RBM25: variants seen among roughly 807,000 people sequenced by gnomAD.
RBM25 encodes RNA-binding protein 25.
A neutral mutation model predicts 120.7 loss-of-function variants in RBM25; 19 were observed. The ratio of observed to expected loss-of-function variants is 0.16; its 90% CI spans 0.11 to 0.23. The LOEUF is 0.23. Ranked by LOEUF, RBM25 falls within the 10% of genes least tolerant of loss-of-function variation. The probability of loss-of-function intolerance (pLI) is 1.00; values close to 1 mark genes in which losing one functional copy is unlikely to be tolerated. For synonymous variants in RBM25, 390 were observed against 326.7 expected (o/e 1.19, Z -2.09); for missense variants, 605 against 1,041.5 (o/e 0.58, Z 5.77).
intron 1 of RBM25, among the ~76,000 whole-genome samples, chr14:73,060,667 T>G (rs1894983514): frequency 6.6e-6 from 1 of 151,488 alleles, no homozygotes; most frequent in Admixed American, 6.6e-5. Flanking sequence ...AATTGAAAGT[T>G]GCTGAAACTA....
intron 6 of RBM25, among the ~76,000 whole-genome samples, chr14:73,094,839 GTGTC>G (rs753423334): frequency 2.8e-5 from 3 of 108,762 alleles, no homozygotes; most frequent in East Asian, 5.6e-4. Context: ...GTGTGTGTGT[GTGTC>G]TGTGTGTGTG....
intron 6 of RBM25, among the ~76,000 whole-genome samples, chr14:73,094,185 C>G (rs887843576): frequency 6.7e-6 from 1 of 149,490 alleles, no homozygotes; most frequent in Non-Finnish European, 1.5e-5. Flanking sequence ...GATCTCCTGA[C>G]CTTGTGATCT....
intron 13 of RBM25, 29 bp downstream of exon 13, chr14:73,107,928 A>C (rs1896223998): frequency 6.7e-7 from 1 of 1,493,186 alleles, no homozygotes. Flanking sequence ...GTGGATTCAT[A>C]CTTGGTTTTT....
rs768840003 is a variant in RBM25 at position 73,106,198 on chromosome 14, C to T, written c.1380C>T (p.Arg460=). 3.2e-6 allele frequency: 5 copies of T among 1,581,132 alleles called. No homozygotes were observed. In the South Asian group the frequency reaches 4.8e-5, roughly 15 times the overall value. The change falls in exon 12 of 19, where the codon CGC becomes CGT. Residue 460 remains arginine (R), a splice_region_variant and synonymous_variant. Coordinates refer to ENST00000261973, the MANE Select transcript of RBM25 (RefSeq NM_021239.3). ...CTTTGAAAATTTAATTTTTTTAGCGCCTTAAGAATTGGGAAATCAGAGAAC... is the reference window on the plus strand; with the variant it reads ...CTTTGAAAATTTAATTTTTTTAGCGTCTTAAGAATTGGGAAATCAGAGAAC... ...LREKEAAYQE[R]LKNWEIRERK...
intron 5 of RBM25, among the ~76,000 whole-genome samples, chr14:73,085,234 G>T (rs1313675860): frequency 1.3e-5 from 2 of 151,910 alleles, no homozygotes; most frequent in Admixed American, 6.6e-5. Flanking sequence ...GGCCAGGAGG[G>T]TCTCGATCTC....
intron 18 of RBM25, among the ~76,000 whole-genome samples, chr14:73,119,348 C>G (rs1896498895): frequency 1.3e-5 from 2 of 152,104 alleles, no homozygotes; most frequent in African/African-American, 4.8e-5. Context: ...TCTTGGCAAG[C>G]TCCGCCTCCT....
At chr14:73,093,328 A>G (rs1338383727) in intron 6 of RBM25, among the ~76,000 whole-genome samples, 6 of 152,232 alleles carry the variant, frequency 3.9e-5, no homozygotes, top group Admixed American at 2.6e-4. Context: ...CCTCAGTGCC[A>G]AAGAATGAGC....
chr14:73,099,855 T>G (rs1896023772), intron 9 of RBM25, 105 bp downstream of exon 9: 1 of 1,381,924 alleles, frequency 7.2e-7, no homozygotes, highest in Admixed American at 3.3e-5. Flanking sequence ...ATTTTAAATG[T>G]TTTTTATAGG....
Position 73,111,712 on chromosome 14 carries a change from G to A in RBM25, c.2202G>A (p.Lys734=). The A allele has an allele frequency of 1.2e-6, 2 of 1,614,144 alleles. No homozygotes were observed. The highest frequency in any genetic ancestry group is 1.7e-6 in the Non-Finnish European group (2 of 1,180,020). Residue 734 remains lysine (K), a synonymous_variant, in exon 16 of 19, where the codon AAG becomes AAA. Coordinates refer to ENST00000261973, the MANE Select transcript of RBM25 (RefSeq NM_021239.3). ...AAGGCACTGTAAACACTGAAGAAAA[G>A]CGTAAACACATTAAGAGTCTCATTG... ...ATKGTVNTEE[K]RKHIKSLIEK...
chr14:73,105,534 CAG>C (rs1473231464), intron 10 of RBM25, among the ~76,000 whole-genome samples: 1 of 152,172 alleles, frequency 6.6e-6, no homozygotes, highest in Non-Finnish European at 1.5e-5. Flanking sequence ...TTTACACCAT[CAG>C]GGGATTGACT....
rs1482249072 is a variant in RBM25, at chr14:73,111,175, C to T, written c.2017+20C>T. 2 of 1,565,082 alleles carry T rather than the reference C, an allele frequency of 1.3e-6. No individual in the cohort carries two copies. The highest frequency in any genetic ancestry group is 2.2e-5 in the South Asian group (2 of 89,002). ...AACTGGGTACGTTAGCATTTCCTTCCTTCTTTATTTTCTTCCCTTCACCCC... is the reference window on the plus strand; with the variant it reads ...AACTGGGTACGTTAGCATTTCCTTCTTTCTTTATTTTCTTCCCTTCACCCC... On this transcript the variant is annotated intron_variant, in intron 15 of 18. Transcript: ENST00000261973.
intron 4 of RBM25, among the ~76,000 whole-genome samples, chr14:73,081,250 G>A (rs1237787729): frequency 6.6e-6 from 1 of 152,130 alleles, no homozygotes; most frequent in African/African-American, 2.4e-5. Context: ...TGATTCTTCT[G>A]CCTCAGCCTC....
chr14:73,067,694 C>G (rs1895173450), intron 1 of RBM25, among the ~76,000 whole-genome samples: 1 of 151,150 alleles, frequency 6.6e-6, no homozygotes, highest in African/African-American at 2.4e-5. Context: ...AGCTCCGCCT[C>G]CCAGGTTCAC....
intron 15 of RBM25, 76 bp downstream of exon 15, chr14:73,111,231 A>G: frequency 8.0e-7 from 1 of 1,252,456 alleles, no homozygotes; most frequent in South Asian, 1.5e-5. Flanking sequence ...TTTAAAGAAA[A>G]AAATTTATAT....
rs1471285609 is a variant in RBM25, at chr14:73,068,110, G to C, written c.-15-3517G>C. 4.4e-5 allele frequency: 32 copies of C among 721,790 alleles called. No individual in the cohort carries two copies. In the South Asian group the frequency reaches 4.8e-4, roughly 11 times the overall value. The allele number at this position is 721,790 out of a possible 1,614,324, so 44.7% of individuals were successfully genotyped here. ...GCTACGACCACCCCAACTTTACCTC[G>C]TTCACAGACAGAACTGGAAGGTTGG... On this transcript the variant is annotated intron_variant, in intron 1 of 18. Coordinates refer to ENST00000261973, the MANE Select transcript of RBM25 (RefSeq NM_021239.3).
chr14:73,116,495 C>T (rs1594939151), intron 18 of RBM25, among the ~76,000 whole-genome samples: 2 of 152,180 alleles, frequency 1.3e-5, no homozygotes, highest in African/African-American at 2.4e-5. Flanking sequence ...GCCTAGCTAG[C>T]TTGATGCAGC....
In RBM25 at chr14:73,121,487, A is replaced by C. The variant is rs1296935097; in HGVS notation, c.*1682A>C. ...CATTTACATTATTTTGGATGAATCTACTATACATCTATGGAAATGTCTCTT... is the reference window on the plus strand; with the variant it reads ...CATTTACATTATTTTGGATGAATCTCCTATACATCTATGGAAATGTCTCTT... On this transcript the variant is annotated 3_prime_UTR_variant, in exon 19 of 19. Transcript: ENST00000261973. 6.6e-6 allele frequency: 1 copy of C among 152,580 alleles called. No individual in the cohort carries two copies. Among genetic ancestry groups the C allele is most frequent in the Non-Finnish European group, 1.5e-5 (1 of 68,028 alleles). 9.5% of individuals were successfully genotyped at this position (152,580 alleles called of 1,614,324 possible). A position where few individuals can be genotyped will look rare whatever the true frequency, so the allele number is the denominator to read the frequency against.
At chr14:73,088,219 C>A in intron 6 of RBM25, 58 bp downstream of exon 6, 1 of 1,586,370 alleles carries the variant, frequency 6.3e-7, no homozygotes. Flanking sequence ...CAGTGTAGTG[C>A]TTCTCATTAT....
At chr14:73,109,715 C>T (rs988792507) in intron 14 of RBM25, among the ~76,000 whole-genome samples, 4 of 151,936 alleles carry the variant, frequency 2.6e-5, no homozygotes, top group African/African-American at 9.7e-5. Context: ...ATGGCGTGAA[C>T]CCGGGAGGCG....
Sources: allele counts gnomAD v4.1 joint callset (sites outside exome capture counted in the v4.1 genomes callset), GRCh38; gene constraint gnomAD v4.1.1; transcripts MANE v1.5; gene names NCBI Gene and HGNC (gene_info 2026-07-23, HGNC 2026-07-21).